The following TYW1B variants were observed in gnomAD, a reference collection of about 807,000 sequenced individuals.
The protein encoded by TYW1B is tRNA-yW synthesizing protein 1 homolog B.
Under a neutral mutation model 86.9 loss-of-function variants are expected in TYW1B, and 73 were observed. The observed-to-expected ratio is 0.84, with a 90% CI of 0.70 to 1.02. TYW1B has a LOEUF of 1.02. Ranked by LOEUF, TYW1B falls within the 50% of genes least tolerant of loss-of-function variation. The probability of loss-of-function intolerance (pLI) is 0.00; values close to 1 mark genes in which losing one functional copy is unlikely to be tolerated. For missense variants in TYW1B, 637 were observed against 827.4 expected (o/e 0.77, Z 2.82); for synonymous variants, 248 against 292.8 (o/e 0.85, Z 1.56).
chr7:72,608,544 T>C (rs1811854561), intron 13 of TYW1B, among the ~76,000 whole-genome samples: 1 of 152,150 alleles, frequency 6.6e-6, no homozygotes, highest in South Asian at 2.1e-4. Context: ...AGAGATGCAC[T>C]CAACAACAGT....
intron 8 of TYW1B, among the ~76,000 whole-genome samples, chr7:72,734,362 C>T (rs1317229201): frequency 6.6e-6 from 1 of 151,646 alleles, no homozygotes; most frequent in Admixed American, 6.6e-5. Flanking sequence ...AATAGAGAAC[C>T]CAGAAATAAA....
intron 13 of TYW1B, among the ~76,000 whole-genome samples, chr7:72,581,841 C>G (rs1811160099): frequency 6.6e-6 from 1 of 152,148 alleles, no homozygotes; most frequent in Non-Finnish European, 1.5e-5. Context: ...GATCTCAGCT[C>G]ACTGCAACCT....
intron 9 of TYW1B, 35 bp downstream of exon 9, chr7:72,728,787 G>A: frequency 6.3e-7 from 1 of 1,586,402 alleles, no homozygotes; most frequent in East Asian, 2.3e-5. Context: ...CTATTAACAA[G>A]TATTAGCATT....
chr7:72,802,361 TGCGGGA>T, intron 6 of TYW1B, 33 bp downstream of exon 6: 1 of 1,612,654 alleles, frequency 6.2e-7, no homozygotes, highest in South Asian at 1.1e-5. Context: ...GTTAACCAAC[TGCGGGA>T]GCCAAGTGCA....
At chr7:72,636,798 T>C (rs1812677170) in intron 11 of TYW1B, among the ~76,000 whole-genome samples, 1 of 152,244 alleles carries the variant, frequency 6.6e-6, no homozygotes, top group Non-Finnish European at 1.5e-5. Flanking sequence ...TGTATTTAGT[T>C]TGCTGACCTT....
At chr7:72,640,513 C>T (rs1428038764) in intron 11 of TYW1B, among the ~76,000 whole-genome samples, 3 of 151,420 alleles carry the variant, frequency 2.0e-5, no homozygotes, top group Middle Eastern at 6.9e-3. Context: ...ACTATGCAAG[C>T]ACTGACCTAA....
intron 7 of TYW1B, among the ~76,000 whole-genome samples, chr7:72,759,023 G>A (rs1185814471): frequency 6.6e-6 from 1 of 152,168 alleles, no homozygotes; most frequent in African/African-American, 2.4e-5. Flanking sequence ...AATGGGCACA[G>A]AATGGCTAAT....
chr7:72,709,195 T>C (rs1295260672), intron 10 of TYW1B, among the ~76,000 whole-genome samples: 1 of 152,200 alleles, frequency 6.6e-6, no homozygotes, highest in African/African-American at 2.4e-5. Context: ...TCTAGATAGG[T>C]ATTTCAATGG....
Position 72,667,048 on chromosome 7 carries a change from A to G in TYW1B, c.1506+27639T>C, listed in dbSNP as rs797030128. 2.4e-4 allele frequency among the ~76,000 whole-genome samples: 32 copies of G among 131,444 alleles called. 1 individual carries two copies. The highest frequency in any genetic ancestry group is 6.6e-4 in the African/African-American group (21 of 32,048). 86.2% of individuals were successfully genotyped at this position (131,444 alleles called of 152,430 possible). Reference sequence around the variant, plus strand: ...CTCCGTCTCAAAAAAAAAAAAAAAAAAAAGAAACTAAAACAGGGTAAAATG... The same window carrying G: ...CTCCGTCTCAAAAAAAAAAAAAAAAGAAAGAAACTAAAACAGGGTAAAATG... On this transcript the variant is annotated intron_variant, in intron 11 of 13. Coordinates refer to ENST00000620995, the MANE Select transcript of TYW1B (RefSeq NM_001145440.3).
At chr7:72,721,183 T>C (rs1554457413) in intron 9 of TYW1B, among the ~76,000 whole-genome samples, 1 of 152,174 alleles carries the variant, frequency 6.6e-6, no homozygotes, top group African/African-American at 2.4e-5. Context: ...TCTTTGCTAT[T>C]GTGAATAGTG....
intron 9 of TYW1B, among the ~76,000 whole-genome samples, chr7:72,722,475 C>A (rs1786922299): frequency 6.6e-6 from 1 of 152,148 alleles, no homozygotes. Flanking sequence ...GGGCAGGCAG[C>A]ATTTTGAATA....
At chr7:72,696,651 G>A (rs1196829181) in intron 10 of TYW1B, among the ~76,000 whole-genome samples, 1 of 152,062 alleles carries the variant, frequency 6.6e-6, no homozygotes, top group Non-Finnish European at 1.5e-5. Context: ...AGGAGATATT[G>A]TTGATTTCAG....
At chr7:72,622,557 C>A (rs1332194097) in intron 12 of TYW1B, among the ~76,000 whole-genome samples, 1 of 152,156 alleles carries the variant, frequency 6.6e-6, no homozygotes, top group Non-Finnish European at 1.5e-5. Flanking sequence ...TCTCACCCCA[C>A]ATGAGACTCT....
intron 9 of TYW1B, among the ~76,000 whole-genome samples, chr7:72,723,416 C>T (rs1228594754): frequency 2.6e-5 from 4 of 151,834 alleles, no homozygotes; most frequent in Non-Finnish European, 5.9e-5. Flanking sequence ...GAAATCTGTT[C>T]GTAAGCATTT....
chr7:72,656,387 C>G (rs1168993062), intron 11 of TYW1B, among the ~76,000 whole-genome samples: 1 of 152,082 alleles, frequency 6.6e-6, no homozygotes, highest in Non-Finnish European at 1.5e-5. Flanking sequence ...GATAAGGACA[C>G]AAGAATGATG....
chr7:72,659,688 G>C (rs1813286216), intron 11 of TYW1B, among the ~76,000 whole-genome samples: 1 of 152,296 alleles, frequency 6.6e-6, no homozygotes, highest in South Asian at 2.1e-4. Flanking sequence ...TGGGGTGAGG[G>C]AGGATACAAT....
intron 4 of TYW1B, among the ~76,000 whole-genome samples, chr7:72,809,431 C>T (rs1444989042): frequency 6.6e-6 from 1 of 152,056 alleles, no homozygotes; most frequent in Non-Finnish European, 1.5e-5. Context: ...GTGGGTAGGA[C>T]TGCTTGAGGC....
chr7:72,703,551 T>C (rs1357614273), intron 10 of TYW1B, among the ~76,000 whole-genome samples: 2 of 152,102 alleles, frequency 1.3e-5, no homozygotes, highest in South Asian at 4.1e-4. Flanking sequence ...AGTTCTGTGC[T>C]CTTGAAAAGA....
intron 13 of TYW1B, among the ~76,000 whole-genome samples, chr7:72,582,083 T>C (rs2129567606): frequency 1.3e-5 from 2 of 152,138 alleles, no homozygotes; most frequent in South Asian, 4.1e-4. Context: ...AGATTTTTTT[T>C]TTTTTTTAAT....
Sources: allele counts gnomAD v4.1 joint callset (sites outside exome capture counted in the v4.1 genomes callset), GRCh38; gene constraint gnomAD v4.1.1; transcripts MANE v1.5; gene names NCBI Gene and HGNC (gene_info 2026-07-23, HGNC 2026-07-21).